Variants in AUTS2 observed in about 807,000 individuals in gnomAD.
AUTS2 encodes activator of transcription and developmental regulator AUTS2, also known as autism susceptibility gene 2 protein.
AUTS2 carries 17 observed loss-of-function variants against 112.4 expected under a neutral mutation model. The ratio of observed to expected loss-of-function variants is 0.15; its 90% CI spans 0.10 to 0.23. The LOEUF (loss-of-function observed/expected upper bound fraction) is 0.23. AUTS2 is among the 10% of genes least tolerant of loss of function. The probability of loss-of-function intolerance (pLI) is 1.00; values close to 1 mark genes in which losing one functional copy is unlikely to be tolerated. For synonymous variants in AUTS2, 751 were observed against 702.7 expected (o/e 1.07, Z -1.09); for missense variants, 1,510 against 1,701.6 (o/e 0.89, Z 1.98).
chr7:70,036,887 G>C (rs1801028202), intron 2 of AUTS2, among the ~76,000 whole-genome samples: 1 of 152,106 alleles, frequency 6.6e-6, no homozygotes, highest in African/African-American at 2.4e-5. Flanking sequence ...GGATGTAGAG[G>C]GACAAAGGAT....
At chr7:70,785,366 A>G (rs1213551285) in intron 16 of AUTS2, 34 of 538,358 alleles carry the variant, frequency 6.3e-5, no homozygotes, top group Non-Finnish European at 1.1e-4. Flanking sequence ...CTCTTGCCCC[A>G]TAGCAAAGGT....
chr7:70,619,312 G>T (rs757189972), intron 5 of AUTS2, among the ~76,000 whole-genome samples: 1 of 152,178 alleles, frequency 6.6e-6, no homozygotes, highest in East Asian at 1.9e-4. Flanking sequence ...CAGACGGGGC[G>T]CGGGAGGATG....
intron 1 of AUTS2, among the ~76,000 whole-genome samples, chr7:69,833,213 G>A (rs1584312714): frequency 1.3e-5 from 2 of 152,060 alleles, no homozygotes; most frequent in Admixed American, 6.6e-5. Flanking sequence ...TTACCGGTCC[G>A]GGAACCACCC....
chr7:70,689,430 G>C (rs1486519032), intron 5 of AUTS2, among the ~76,000 whole-genome samples: 1 of 151,874 alleles, frequency 6.6e-6, no homozygotes, highest in Non-Finnish European at 1.5e-5. Flanking sequence ...GCTATCCACT[G>C]TCCAGGTTCT....
At chr7:69,958,791 G>A (rs952099576) in intron 2 of AUTS2, among the ~76,000 whole-genome samples, 3 of 152,188 alleles carry the variant, frequency 2.0e-5, no homozygotes, top group Admixed American at 1.3e-4. Flanking sequence ...GCCTGAGAAT[G>A]TACATTTTTA....
At chr7:70,448,598 G>A (rs965063104) in intron 5 of AUTS2, among the ~76,000 whole-genome samples, 3 of 152,160 alleles carry the variant, frequency 2.0e-5, no homozygotes, top group African/African-American at 7.2e-5. Context: ...TCCAGTCATG[G>A]AACAGTAATT....
At chr7:70,202,827 C>T (rs1810358199) in intron 4 of AUTS2, among the ~76,000 whole-genome samples, 1 of 17,310 alleles carries the variant, frequency 5.8e-5, no homozygotes, top group African/African-American at 2.9e-4. Flanking sequence ...ACCATTTGAC[C>T]CAGCCATCCC....
chr7:70,226,502 GC>G (rs1247477162), intron 4 of AUTS2, among the ~76,000 whole-genome samples: 1 of 151,358 alleles, frequency 6.6e-6, no homozygotes, highest in East Asian at 1.9e-4. Context: ...ACCATACCTG[GC>G]CCCCCCTTTT....
intron 1 of AUTS2, among the ~76,000 whole-genome samples, chr7:69,655,671 A>G (rs1029319190): frequency 5.9e-5 from 9 of 152,272 alleles, no homozygotes; most frequent in Non-Finnish European, 1.2e-4. Flanking sequence ...CCACCCAGAG[A>G]TGAGCTTCTC....
intron 4 of AUTS2, among the ~76,000 whole-genome samples, chr7:70,422,497 C>A (rs73175921): frequency 0.063 from 9,641 of 152,230 alleles, 348 homozygotes; most frequent in African/African-American, 0.1. Context: ...TCCATGTCAG[C>A]CAGGCATAGT....
chr7:69,870,100 C>G (rs1228182563), intron 1 of AUTS2, among the ~76,000 whole-genome samples: 1 of 151,872 alleles, frequency 6.6e-6, no homozygotes, highest in Non-Finnish European at 1.5e-5. Flanking sequence ...ATTCAAAAGC[C>G]TTTAATATAT....
At chr7:69,794,116 CATATT>C (rs1351091018) in intron 1 of AUTS2, among the ~76,000 whole-genome samples, 1 of 152,178 alleles carries the variant, frequency 6.6e-6, no homozygotes, top group African/African-American at 2.4e-5. Flanking sequence ...CTTTTCACCT[CATATT>C]AGGATGGAGA....
At chr7:70,701,000 C>T (rs1471146149) in intron 6 of AUTS2, among the ~76,000 whole-genome samples, 1 of 152,250 alleles carries the variant, frequency 6.6e-6, no homozygotes, top group Non-Finnish European at 1.5e-5. Context: ...GGGAAATCTT[C>T]AAAGCCCCAG....
intron 2 of AUTS2, among the ~76,000 whole-genome samples, chr7:69,911,392 C>G (rs1795352702): frequency 6.6e-6 from 1 of 152,194 alleles, no homozygotes; most frequent in Non-Finnish European, 1.5e-5. Flanking sequence ...CGCAGCTCTT[C>G]TCTCCTTCTC....
At chr7:70,143,095 GA>G (rs1806947388) in intron 4 of AUTS2, among the ~76,000 whole-genome samples, 1 of 152,106 alleles carries the variant, frequency 6.6e-6, no homozygotes, top group Non-Finnish European at 1.5e-5. Flanking sequence ...CATTGCATAA[GA>G]AACTTATAGC....
At chr7:70,408,544 C>T (rs371913714) in intron 4 of AUTS2, among the ~76,000 whole-genome samples, 142 of 152,338 alleles carry the variant, frequency 9.3e-4, no homozygotes, top group African/African-American at 3.3e-3. Context: ...CAACTGTTGT[C>T]ACCCATCTAG....
intron 1 of AUTS2, among the ~76,000 whole-genome samples, chr7:69,645,613 C>A (rs145304862): frequency 3.9e-5 from 6 of 152,282 alleles, no homozygotes; most frequent in African/African-American, 1.4e-4. Flanking sequence ...CCTGACCTAG[C>A]AGGACATGTG....
At chr7:70,544,392 G>A (rs1236482023) in intron 5 of AUTS2, among the ~76,000 whole-genome samples, 1 of 152,184 alleles carries the variant, frequency 6.6e-6, no homozygotes, top group African/African-American at 2.4e-5. Context: ...TCTGTTTGTT[G>A]CTGACAGTGA....
chr7:70,299,189 AT>A (rs1281323808), intron 4 of AUTS2, among the ~76,000 whole-genome samples: 1 of 152,020 alleles, frequency 6.6e-6, no homozygotes, highest in African/African-American at 2.4e-5. Context: ...GATTTTTTTC[AT>A]TTTTTGCTTC....
Sources: gnomAD v4.1 joint callset for allele counts (sites outside exome capture counted in the v4.1 genomes callset) on GRCh38, gnomAD v4.1.1 for gene constraint, MANE v1.5 for transcripts, NCBI Gene and HGNC (gene_info 2026-07-23, HGNC 2026-07-21) for gene names.